HK1: variants seen among roughly 807,000 people sequenced by gnomAD.
The protein encoded by HK1 is hexokinase-1.
Under a neutral mutation model 91.6 loss-of-function variants are expected in HK1, and 28 were observed. The observed-to-expected ratio is 0.31, with a 90% CI of 0.23 to 0.42. The LOEUF is 0.42. HK1 is among the 10% of genes least tolerant of loss of function. The pLI is 1.00. For missense variants in HK1, 770 were observed against 1,219.8 expected (o/e 0.63, Z 5.49); for synonymous variants, 430 against 468.1 (o/e 0.92, Z 1.05).
intron 17 of HK1, among the ~76,000 whole-genome samples, 156 bp downstream of exon 17, chr10:69,398,984 T>A (rs574778249): frequency 3.3e-5 from 5 of 152,270 alleles, no homozygotes; most frequent in African/African-American, 1.2e-4. Context: ...TAGGACAAGG[T>A]AATGAACAGT....
At chr10:69,313,175 G>C (rs1422088048), upstream of HK1, among the ~76,000 whole-genome samples, 1 of 152,214 alleles carries the variant, frequency 6.6e-6, no homozygotes, top group Non-Finnish European at 1.5e-5. Context: ...CTAATAATGG[G>C]AGGCTTTTTG....
At chr10:69,321,550 G>C (rs969456896) in intron 1 of HK1, among the ~76,000 whole-genome samples, 2 of 152,210 alleles carry the variant, frequency 1.3e-5, no homozygotes, top group Non-Finnish European at 2.9e-5. Flanking sequence ...AGCCTCCGGG[G>C]CTCTGGAGAC....
At chr10:69,302,467 C>T (rs1405357831) in intron 5 of HK1, among the ~76,000 whole-genome samples, 16 of 149,696 alleles carry the variant, frequency 1.1e-4, no homozygotes, top group African/African-American at 3.7e-4. Context: ...CTCCGCCTCC[C>T]GGGTTCACAC....
chr10:69,369,238 A>G lies in HK1; in HGVS notation c.593A>G (p.Asp198Gly). ...TGACACCCCGTTATCTGTCCCCAGG[A>G]CTATGATGCCAACATCGTAGCTGTG... Reference protein sequence around the residue: ...LLNKAIKKRGDYDANIVAVVN... With the variant: ...LLNKAIKKRGGYDANIVAVVN... Residue 198 changes from aspartate to glycine, a missense_variant and splice_region_variant, in exon 6 of 18, where the codon GAC becomes GGC. Physicochemically the swap from Asp to Gly is moderately conservative, Grantham distance 94 (BLOSUM62 -1). Coordinates refer to ENST00000359426, the MANE Select transcript of HK1 (RefSeq NM_000188.3). The surrounding 1 kb of genome is among the most constrained non-coding windows in gnomAD (Gnocchi z 4.4). The G allele has an allele frequency of 6.2e-7, 1 of 1,611,386 alleles. No homozygotes were observed. Among genetic ancestry groups the G allele is most frequent in the Non-Finnish European group, 8.5e-7 (1 of 1,177,434 alleles).
intron 1 of HK1, among the ~76,000 whole-genome samples, chr10:69,326,135 CTT>C (rs58690152): frequency 8.5e-4 from 118 of 139,212 alleles, no homozygotes; most frequent in African/African-American, 2.8e-3. Flanking sequence ...CGCCTGGCCG[CTT>C]TTTTTTTTTT....
At chr10:69,301,887 G>T (rs111536974) in intron 5 of HK1, among the ~76,000 whole-genome samples, 3,201 of 152,208 alleles carry the variant, frequency 0.021, 112 homozygotes, top group African/African-American at 0.071. Flanking sequence ...AAAATGGAAG[G>T]GGTGCCGAAT....
At chr10:69,288,417 T>C (rs1201513183) in intron 2 of HK1, among the ~76,000 whole-genome samples, 1 of 152,146 alleles carries the variant, frequency 6.6e-6, no homozygotes, top group Non-Finnish European at 1.5e-5. Context: ...GAAACCAGCC[T>C]GAGCAACAGA....
At chr10:69,385,847 A>G (rs1839605651) in intron 12 of HK1, among the ~76,000 whole-genome samples, 1 of 152,206 alleles carries the variant, frequency 6.6e-6, no homozygotes, top group Non-Finnish European at 1.5e-5. Context: ...CATAGTCAAC[A>G]CACACCCAGT....
Position 69,398,654 on chromosome 10 carries a change from C to G in HK1, c.2435C>G (p.Thr812Ser). 6.2e-7 allele frequency: 1 copy of G among 1,614,164 alleles called. No individual in the cohort carries two copies. Among genetic ancestry groups the G allele is most frequent in the Non-Finnish European group, 8.5e-7 (1 of 1,180,030 alleles). Reference sequence around the variant, plus strand: ...CTCCAGCAGCTAGGTCTGAATAGCACCTGCGATGACAGTATCCTCGTCAAG... The same window carrying G: ...CTCCAGCAGCTAGGTCTGAATAGCAGCTGCGATGACAGTATCCTCGTCAAG... ...AILQQLGLNS[T>S]CDDSILVKTV... The change falls in exon 17 of 18, where the codon ACC becomes AGC. Residue 812 changes from threonine (T) to serine (S), a missense_variant. By Grantham distance (58) the Thr-to-Ser change is moderately conservative (BLOSUM62 1). Transcript: ENST00000359426.
At chr10:69,322,324 A>G (rs151028960) in intron 1 of HK1, among the ~76,000 whole-genome samples, 2 of 152,228 alleles carry the variant, frequency 1.3e-5, no homozygotes, top group East Asian at 3.9e-4. Context: ...AGGCACATCA[A>G]TAATTCAACT....
intron 2 of HK1, among the ~76,000 whole-genome samples, chr10:69,348,237 A>G (rs1848668366): frequency 6.6e-6 from 1 of 152,172 alleles, no homozygotes; most frequent in Non-Finnish European, 1.5e-5. Flanking sequence ...TGGATGTGCC[A>G]TTATCTTTTT....
intron 1 of HK1, among the ~76,000 whole-genome samples, chr10:69,333,938 G>A (rs10823346): frequency 6.6e-6 from 1 of 151,748 alleles, no homozygotes; most frequent in East Asian, 1.9e-4. Flanking sequence ...TGGTGAAACC[G>A]TGTCTCTACT....
At chr10:69,385,667 A>T (rs188623935) in intron 12 of HK1, among the ~76,000 whole-genome samples, 1 of 152,320 alleles carries the variant, frequency 6.6e-6, no homozygotes, top group East Asian at 1.9e-4. Flanking sequence ...TTAAGGCTTA[A>T]TGAGCAGCCC....
Position 69,380,175 on chromosome 10 carries a change from C to A in HK1, c.1265+80C>A. On this transcript the variant is annotated intron_variant, in intron 9 of 17. Transcript: ENST00000359426. The surrounding 1 kb of genome is among the most constrained non-coding windows in gnomAD (Gnocchi z 4.0). Reference sequence around the variant, plus strand: ...TTCTCCAGAGATCAGACTTTTGTACCCGGTAAACGTTTTTCGGCAGACAAG... The same window carrying A: ...TTCTCCAGAGATCAGACTTTTGTACACGGTAAACGTTTTTCGGCAGACAAG... 8.5e-7 allele frequency: 1 copy of A among 1,173,396 alleles called. No individual in the cohort carries two copies. 72.7% of individuals were successfully genotyped at this position (1,173,396 alleles called of 1,614,324 possible). A position where few individuals can be genotyped will look rare whatever the true frequency, so the allele number is the denominator to read the frequency against.
chr10:69,332,013 A>G (rs534835320), intron 1 of HK1, among the ~76,000 whole-genome samples: 2 of 152,330 alleles, frequency 1.3e-5, no homozygotes, highest in African/African-American at 2.4e-5. Flanking sequence ...TGAGGCTGCA[A>G]TGAGCCTTGA....
At chr10:69,306,152 T>C (rs936053186) in intron 5 of HK1, among the ~76,000 whole-genome samples, 3 of 151,750 alleles carry the variant, frequency 2.0e-5, no homozygotes, top group African/African-American at 4.8e-5. Flanking sequence ...GTCAGGAGAT[T>C]GAGACTATCC....
chr10:69,330,433 G>A (rs779565162), intron 1 of HK1, among the ~76,000 whole-genome samples: 6 of 152,094 alleles, frequency 3.9e-5, no homozygotes, highest in Non-Finnish European at 8.8e-5. Flanking sequence ...TGTGATCTCG[G>A]TGGCCAGAAA....
intron 4 of HK1, chr10:69,296,358 C>T (rs919366232): frequency 6.5e-6 from 1 of 153,168 alleles, no homozygotes; most frequent in Non-Finnish European, 1.5e-5. Context: ...TTACCTAGTC[C>T]CAGGTGAGGG....
At chr10:69,356,882 CAAAAAAAAAAAAA>C (rs778360296) in intron 2 of HK1, among the ~76,000 whole-genome samples, 3 of 62,044 alleles carry the variant, frequency 4.8e-5, no homozygotes, top group African/African-American at 1.2e-4. Context: ...AACTCCATCT[CAAAAAAAAAAAAA>C]AAAAAAAAAG....
Sources: gnomAD v4.1 joint callset for allele counts (sites outside exome capture counted in the v4.1 genomes callset) on GRCh38, gnomAD v4.1.1 for gene constraint, Gnocchi (gnomAD v3.1) non-coding constraint, MANE v1.5 for transcripts, NCBI Gene and HGNC (gene_info 2026-07-23, HGNC 2026-07-21) for gene names.